CFAP20DC: variants seen among roughly 807,000 people sequenced by gnomAD.
CFAP20DC encodes the protein protein CFAP20DC.
Under a neutral mutation model 101.7 loss-of-function variants are expected in CFAP20DC, and 84 were observed. That is an observed-to-expected ratio of 0.83 (90% CI 0.69 to 0.99). CFAP20DC has a LOEUF of 0.99. Among genes scored for constraint, CFAP20DC ranks in the 50% least tolerant of loss-of-function variants. The pLI is 0.00. For missense variants in CFAP20DC, 1,007 were observed against 970.3 expected, an observed-to-expected ratio of 1.04 and a Z score of -0.50; for synonymous variants, 359 against 351.2, an observed-to-expected ratio of 1.02 and a Z score of -0.25.
chr3:58,866,848 CTG>C (rs1027099396), intron 10 of CFAP20DC, among the ~76,000 whole-genome samples, 160 bp from the exon 11 acceptor site: 17 of 151,618 alleles, frequency 1.1e-4, no homozygotes, highest in African/African-American at 4.1e-4. Flanking sequence ...TTTCAGTAGA[CTG>C]TTTTAAGCTG....
intron 15 of CFAP20DC, among the ~76,000 whole-genome samples, chr3:58,760,378 C>T (rs1453261574): frequency 1.8e-4 from 28 of 152,102 alleles, no homozygotes; most frequent in South Asian, 8.3e-4. Context: ...TTTTGCACAT[C>T]GATTTTGTAT....
chr3:58,922,496 G>C (rs1399833193), intron 5 of CFAP20DC, among the ~76,000 whole-genome samples: 2 of 152,166 alleles, frequency 1.3e-5, no homozygotes, highest in Non-Finnish European at 2.9e-5. Flanking sequence ...TCTCACGGGA[G>C]TGAATGAGTT....
At chr3:59,047,652 T>G (rs1699971970) in intron 1 of CFAP20DC, among the ~76,000 whole-genome samples, 1 of 152,184 alleles carries the variant, frequency 6.6e-6, no homozygotes, top group Non-Finnish European at 1.5e-5. Flanking sequence ...TACATTCAGG[T>G]AGTTATCTCC....
intron 5 of CFAP20DC, among the ~76,000 whole-genome samples, chr3:58,936,307 C>T (rs2087597401): frequency 6.6e-6 from 1 of 152,076 alleles, no homozygotes; most frequent in African/African-American, 2.4e-5. Context: ...GAAATAGGAA[C>T]AATTTTACAC....
At chr3:58,951,964 T>C (rs2108056750) in intron 4 of CFAP20DC, among the ~76,000 whole-genome samples, 1 of 152,310 alleles carries the variant, frequency 6.6e-6, no homozygotes, top group Non-Finnish European at 1.5e-5. Context: ...AGAGTTTAGA[T>C]AAGTTCCTCA....
intron 4 of CFAP20DC, among the ~76,000 whole-genome samples, chr3:59,019,520 A>G (rs2093759582): frequency 6.6e-6 from 1 of 151,840 alleles, no homozygotes; most frequent in African/African-American, 2.4e-5. Context: ...CCCCTAAATG[A>G]CCCTGCAGGA....
At chr3:58,849,701 C>T (rs2108308677) in intron 12 of CFAP20DC, among the ~76,000 whole-genome samples, 1 of 152,082 alleles carries the variant, frequency 6.6e-6, no homozygotes, top group South Asian at 2.1e-4. Flanking sequence ...ATATTCATTC[C>T]AAAAAATGTC....
intron 15 of CFAP20DC, among the ~76,000 whole-genome samples, chr3:58,763,971 GC>G (rs1345475958): frequency 6.6e-6 from 1 of 152,196 alleles, no homozygotes. Context: ...TCCCAGTTAG[GC>G]TACTCAGGGG....
downstream of CFAP20DC, among the ~76,000 whole-genome samples, chr3:58,738,191 AATTTTT>A (rs2067801701): frequency 6.6e-6 from 1 of 151,928 alleles, no homozygotes; most frequent in Non-Finnish European, 1.5e-5. This position sits in a 1 kb window ranked among gnomAD's most constrained non-coding sequence, Gnocchi z 4.4. Flanking sequence ...CTTTTTTTTT[AATTTTT>A]AAGTTCCAGG....
downstream of CFAP20DC, among the ~76,000 whole-genome samples, chr3:58,739,777 C>T (rs1197570902): frequency 6.6e-6 from 1 of 152,158 alleles, no homozygotes. Flanking sequence ...ACATGTATAG[C>T]CTAGTTAATG....
At chr3:59,039,457 T>C in intron 4 of CFAP20DC, 100 bp downstream of exon 4, 1 of 683,812 alleles carries the variant, frequency 1.5e-6, no homozygotes, top group South Asian at 1.9e-5. Flanking sequence ...TGCTCTTTAA[T>C]GCAAAAACTG....
Position 58,761,389 on chromosome 3 carries a change from T to C in CFAP20DC, c.2238-7526A>G, listed in dbSNP as rs2069576058. Among the ~76,000 whole-genome samples the C allele has an allele frequency of 1.3e-5, 2 of 152,220 alleles. 1 individual carries two copies. The highest frequency in any genetic ancestry group is 4.1e-4 in the South Asian group (2 of 4,832). Reference sequence around the variant, plus strand: ...GTGGGATTGGTGGTGATATCCCCTTTATCATTTTTTATTGCACCTATTTGA... The same window carrying C: ...GTGGGATTGGTGGTGATATCCCCTTCATCATTTTTTATTGCACCTATTTGA... On this transcript the variant is annotated intron_variant, in intron 15 of 16. Transcript: ENST00000482387.
chr3:58,742,391 C>A lies in CFAP20DC; in HGVS notation c.*69G>T. 7.0e-7 allele frequency: 1 copy of A among 1,432,950 alleles called. No individual in the cohort carries two copies. The allele number at this position is 1,432,950 out of a possible 1,614,324, so 88.8% of individuals were successfully genotyped here. On this transcript the variant is annotated 3_prime_UTR_variant, in exon 17 of 17. Transcript: ENST00000482387. The stretch of plus-strand genomic sequence containing the variant: ...ACCCAACACATAAGTTGTGGTGACT[C>A]CTTAAGCGACCCTGAACTGCTATTC...
chr3:59,029,143 CTTCA>C (rs1054863009), intron 4 of CFAP20DC, among the ~76,000 whole-genome samples: 2 of 152,138 alleles, frequency 1.3e-5, no homozygotes, highest in Admixed American at 6.5e-5. Flanking sequence ...CTGCTTCTCC[CTTCA>C]TTCATTAGTC....
chr3:58,734,409 C>T (rs1350330568), intron 3 of CFAP20DC: 2 of 370,600 alleles, frequency 5.4e-6, no homozygotes, highest in Non-Finnish European at 1.1e-5. Context: ...CCTGAAAGTC[C>T]TCGGTCTGAC....
In CFAP20DC at chr3:59,015,930, A is replaced by G. The variant is rs1375318487; in HGVS notation, c.278+23627T>C. Among the ~76,000 whole-genome samples, 1 of 152,136 alleles carries G rather than the reference A, an allele frequency of 6.6e-6. No homozygotes were observed. On this transcript the variant is annotated intron_variant, in intron 4 of 16. Transcript: ENST00000482387. The surrounding 1 kb of genome is among the most constrained non-coding windows in gnomAD (Gnocchi z 5.4). The stretch of plus-strand genomic sequence containing the variant: ...GAGGAACATATGGCCACATTTCCAT[A>G]TCTAAGCAGTACCAATGGATGCCCA...
intron 15 of CFAP20DC, among the ~76,000 whole-genome samples, chr3:58,755,676 T>C (rs1268101696): frequency 6.6e-6 from 1 of 152,172 alleles, no homozygotes; most frequent in African/African-American, 2.4e-5. Context: ...GCTCTTCTTT[T>C]TGTGATTAAA....
At chr3:58,789,866 T>C (rs950021426) in intron 15 of CFAP20DC, among the ~76,000 whole-genome samples, 5 of 152,138 alleles carry the variant, frequency 3.3e-5, no homozygotes, top group Non-Finnish European at 5.9e-5. Flanking sequence ...TCATCATAAT[T>C]ATTCATGGTG....
At chr3:58,960,475 C>A (rs1177284364) in intron 4 of CFAP20DC, among the ~76,000 whole-genome samples, 3 of 146,270 alleles carry the variant, frequency 2.1e-5, no homozygotes, top group African/African-American at 7.6e-5. Flanking sequence ...CTGGGTGACA[C>A]AGCAAGACTC....
Sources: allele counts gnomAD v4.1 joint callset (sites outside exome capture counted in the v4.1 genomes callset), GRCh38; gene constraint gnomAD v4.1.1; non-coding constraint Gnocchi (gnomAD v3.1); transcripts MANE v1.5; gene names NCBI Gene and HGNC (gene_info 2026-07-23, HGNC 2026-07-21).